GREM2: variants seen among roughly 807,000 people sequenced by gnomAD.
GREM2 encodes the protein gremlin-2.
Under a neutral mutation model 14.2 loss-of-function variants are expected in GREM2, and 11 were observed. The observed-to-expected ratio is 0.78, with a 90% CI of 0.49 to 1.28. GREM2 has a LOEUF of 1.28. Ranked by LOEUF, GREM2 falls within the 50% of genes most tolerant of loss-of-function variation. The probability of loss-of-function intolerance (pLI) is 0.00; values close to 1 mark genes in which losing one functional copy is unlikely to be tolerated. For missense variants in GREM2, 210 were observed against 218.5 expected (o/e 0.96, Z 0.24); for synonymous variants, 98 against 97.6 (o/e 1.00, Z -0.02).
intron 1 of GREM2, among the ~76,000 whole-genome samples, chr1:240,604,652 C>T (rs1027157863): frequency 4.6e-5 from 7 of 152,134 alleles, no homozygotes; most frequent in African/African-American, 7.2e-5. Flanking sequence ...AGATTCCCCT[C>T]AATTCTTATA....
chr1:240,582,861 T>A (rs1252154372), intron 1 of GREM2, among the ~76,000 whole-genome samples: 1 of 150,966 alleles, frequency 6.6e-6, no homozygotes, highest in Non-Finnish European at 1.5e-5. Flanking sequence ...AACAAAATTT[T>A]TTTAAAGTAC....
intron 1 of GREM2, among the ~76,000 whole-genome samples, chr1:240,560,383 C>T (rs1679016645): frequency 6.6e-6 from 1 of 152,104 alleles, no homozygotes; most frequent in African/African-American, 2.4e-5. Context: ...ACCCAGAAAA[C>T]GTCTCAGGTC....
At chr1:240,499,377 A>G (rs1226602642) in intron 1 of GREM2, among the ~76,000 whole-genome samples, 2 of 152,190 alleles carry the variant, frequency 1.3e-5, no homozygotes, top group Non-Finnish European at 2.9e-5. Flanking sequence ...ATTTTATGGC[A>G]TTCTTGGAAA....
At position 240,540,942 on chromosome 1, in the gene GREM2, G is replaced by T. The variant is rs1449313341; in HGVS notation, c.-1-47466C>A. The stretch of plus-strand genomic sequence containing the variant: ...CAGTTTGTCGCCTTCCAGCATTCTG[G>T]ACCAGAAGTCTCCTGTGTTTGTTCT... On this transcript the variant is annotated intron_variant, in intron 1 of 1. Coordinates refer to ENST00000318160, the MANE Select transcript of GREM2 (RefSeq NM_022469.4). This position sits in a 1 kb window ranked among gnomAD's most constrained non-coding sequence, Gnocchi z 4.2. Among the ~76,000 whole-genome samples, 2 of 152,118 alleles carry T rather than the reference G, an allele frequency of 1.3e-5. No homozygotes were observed. The highest frequency in any genetic ancestry group is 4.8e-5 in the African/African-American group (2 of 41,442).
At chr1:240,515,824 G>T (rs1292326003) in intron 1 of GREM2, among the ~76,000 whole-genome samples, 1 of 152,126 alleles carries the variant, frequency 6.6e-6, no homozygotes, top group Non-Finnish European at 1.5e-5. Flanking sequence ...CTTGGTGTTT[G>T]CATTGGTCCT....
chr1:240,548,727 A>T (rs1319992474), intron 1 of GREM2, among the ~76,000 whole-genome samples: 1 of 152,122 alleles, frequency 6.6e-6, no homozygotes, highest in East Asian at 1.9e-4. Flanking sequence ...AAGAGATGAA[A>T]TTCCTGAGGG....
chr1:240,561,723 CACAA>C (rs1158091823), intron 1 of GREM2, among the ~76,000 whole-genome samples: 11 of 151,548 alleles, frequency 7.3e-5, no homozygotes, highest in Middle Eastern at 3.4e-3. Flanking sequence ...CACACACACA[CACAA>C]ACTGCCATAG....
At chr1:240,509,431 C>T (rs74707544) in intron 1 of GREM2, among the ~76,000 whole-genome samples, 12,600 of 147,838 alleles carry the variant, frequency 0.085, 610 homozygotes, top group Middle Eastern at 0.19. Context: ...TGCAATGGCA[C>T]GATCTTGGCT....
At chr1:240,594,866 C>T (rs1221594712) in intron 1 of GREM2, among the ~76,000 whole-genome samples, 1 of 152,048 alleles carries the variant, frequency 6.6e-6, no homozygotes, top group Admixed American at 6.5e-5. Context: ...TAGCCTGCTG[C>T]TCAGAGGCTA....
At chr1:240,521,549 C>A (rs761504035) in intron 1 of GREM2, among the ~76,000 whole-genome samples, 26 of 151,550 alleles carry the variant, frequency 1.7e-4, no homozygotes, top group East Asian at 7.8e-4. Context: ...CCAGCCTGGG[C>A]GACAGTGTGA....
At chr1:240,535,129 CAATAAT>C (rs565798490) in intron 1 of GREM2, among the ~76,000 whole-genome samples, 4 of 152,000 alleles carry the variant, frequency 2.6e-5, no homozygotes, top group Admixed American at 1.3e-4. Flanking sequence ...ATTATAAAGA[CAATAAT>C]AATAAAATTA....
chr1:240,561,969 C>G (rs2103351195), intron 1 of GREM2, among the ~76,000 whole-genome samples: 1 of 152,174 alleles, frequency 6.6e-6, no homozygotes, highest in East Asian at 1.9e-4. Context: ...TTCCTTTTCA[C>G]CTTGTAAACC....
intron 1 of GREM2, among the ~76,000 whole-genome samples, chr1:240,509,129 G>A (rs1424173042): frequency 6.6e-6 from 1 of 152,182 alleles, no homozygotes; most frequent in Non-Finnish European, 1.5e-5. Flanking sequence ...GAAGATGTGA[G>A]GGAGAGGATT....
rs544437789 is a variant in GREM2 at position 240,514,937 on chromosome 1, T to A, written c.-1-21461A>T. Among the ~76,000 whole-genome samples the A allele has an allele frequency of 1.0e-4, 15 of 150,000 alleles. No homozygotes were observed. The South Asian group carries it at 3.0e-3, about 30-fold the overall frequency. ...GCCTGGGCTACAGAGCAAGCCTCTATCTCAAACAACAAACAAACAAACAAA... is the reference window on the plus strand; with the variant it reads ...GCCTGGGCTACAGAGCAAGCCTCTAACTCAAACAACAAACAAACAAACAAA... On this transcript the variant is annotated intron_variant, in intron 1 of 1. Coordinates refer to ENST00000318160, the MANE Select transcript of GREM2 (RefSeq NM_022469.4).
At chr1:240,493,513 G>A in intron 1 of GREM2, 37 bp from the exon 2 acceptor site, 1 of 1,551,184 alleles carries the variant, frequency 6.4e-7, no homozygotes, top group Non-Finnish European at 8.7e-7. Flanking sequence ...GCTGTGAAGG[G>A]CCGTAGAGTA....
intron 1 of GREM2, among the ~76,000 whole-genome samples, chr1:240,575,943 T>A (rs1679365956): frequency 6.8e-6 from 1 of 146,844 alleles, no homozygotes; most frequent in Non-Finnish European, 1.5e-5. Context: ...AAGAACAAAA[T>A]CTTACTTGTT....
intron 1 of GREM2, among the ~76,000 whole-genome samples, chr1:240,603,024 G>T (rs960771989): frequency 1.3e-5 from 2 of 152,104 alleles, no homozygotes; most frequent in African/African-American, 4.8e-5. Context: ...AGTGAGCTGA[G>T]ATCGCACCAT....
intron 1 of GREM2, among the ~76,000 whole-genome samples, chr1:240,576,137 G>T (rs1034895207): frequency 4.6e-5 from 7 of 152,096 alleles, no homozygotes; most frequent in Non-Finnish European, 1.0e-4. Context: ...GAGGATACAG[G>T]CAATAAAGAA....
intron 1 of GREM2, among the ~76,000 whole-genome samples, chr1:240,605,102 G>A (rs1309639888): frequency 1.3e-5 from 2 of 152,220 alleles, no homozygotes; most frequent in African/African-American, 4.8e-5. Context: ...GTGAGGTCCC[G>A]TTCCAGCCAA....
Sources: gnomAD v4.1 joint callset for allele counts (sites outside exome capture counted in the v4.1 genomes callset) on GRCh38, gnomAD v4.1.1 for gene constraint, Gnocchi (gnomAD v3.1) non-coding constraint, MANE v1.5 for transcripts, NCBI Gene and HGNC (gene_info 2026-07-23, HGNC 2026-07-21) for gene names.